The following NXPE4 variants were observed in gnomAD, a reference collection of about 807,000 sequenced individuals.
NXPE4 encodes NXPE family member 4.
In NXPE4, 42 loss-of-function variants were observed where a neutral mutation model predicts 33.3. That is an observed-to-expected ratio of 1.26 (90% CI 0.98 to 1.63). The LOEUF is 1.63. Among genes scored for constraint, NXPE4 ranks in the 40% most tolerant of loss-of-function variants. The pLI, the probability that NXPE4 is intolerant of heterozygous loss-of-function variation, is 0.00. For missense variants in NXPE4, 709 were observed against 647.6 expected, an observed-to-expected ratio of 1.09 and a Z score of -1.03; for synonymous variants, 253 against 234.9, an observed-to-expected ratio of 1.08 and a Z score of -0.71.
Position 114,582,416 on chromosome 11 carries a change from G to A in NXPE4, c.702C>T (p.Asp234=), listed in dbSNP as rs773381710. 1.6e-5 allele frequency: 26 copies of A among 1,614,100 alleles called. No individual in the cohort carries two copies. Among genetic ancestry groups the A allele is most frequent in the Non-Finnish European group, 2.5e-6 (3 of 1,180,030 alleles). Reference sequence around the variant, plus strand: ...AGTAGAAGCCTTCTTGGTCTCTGTTGTCCAGGTACTGGCACAATTCAGCAT... The same window carrying A: ...AGTAGAAGCCTTCTTGGTCTCTGTTATCCAGGTACTGGCACAATTCAGCAT... ...NTNAELCQYL[D]NRDQEGFYCV... is the part of the protein sequence containing the mutation. The change falls in exon 3 of 6, where the codon GAC becomes GAT. Residue 234 remains aspartate (D), a synonymous_variant. Coordinates refer to ENST00000375478, the MANE Select transcript of NXPE4 (RefSeq NM_001077639.2).
chr11:114,602,856 A>G, the NXPE4 span, among the ~76,000 whole-genome samples: 29 of 147,470 alleles, frequency 2.0e-4, no homozygotes, highest in African/African-American at 5.9e-4. Context: ...ATCACATATA[A>G]TTATCTCATA....
chr11:114,636,767 G>A, the NXPE4 span, among the ~76,000 whole-genome samples: 1 of 152,210 alleles, frequency 6.6e-6, no homozygotes, highest in East Asian at 1.9e-4. Context: ...ATGTAGTTGA[G>A]TAGTTTTGAG....
chr11:114,619,044 G>GGTGTGGTATCCAAGTGT, the NXPE4 span, among the ~76,000 whole-genome samples: 1 of 151,984 alleles, frequency 6.6e-6, no homozygotes. Context: ...GTGGCCTCAT[G>GGTGTGGTATCCAAGTGT]GGTAACCACT....
At chr11:114,611,835 A>G in the NXPE4 span, among the ~76,000 whole-genome samples, 5 of 149,722 alleles carry the variant, frequency 3.3e-5, no homozygotes, top group African/African-American at 4.9e-5. Context: ...TGGATAATAT[A>G]TATTTCCTCA....
chr11:114,620,674 T>C, the NXPE4 span, among the ~76,000 whole-genome samples: 1 of 149,844 alleles, frequency 6.7e-6, no homozygotes, highest in Non-Finnish European at 1.5e-5. Flanking sequence ...ATAAATATTG[T>C]CTCCCAGGTA....
the NXPE4 span, among the ~76,000 whole-genome samples, chr11:114,602,090 T>A: frequency 1.0e-5 from 1 of 98,306 alleles, no homozygotes; most frequent in East Asian, 3.1e-4. Flanking sequence ...TTTTATTATA[T>A]ATAACATATA....
the NXPE4 span, among the ~76,000 whole-genome samples, chr11:114,633,392 A>C: frequency 6.9e-6 from 1 of 144,528 alleles, no homozygotes; most frequent in East Asian, 2.0e-4. Context: ...TATATTATAT[A>C]TTATATATTA....
chr11:114,623,889 G>A, the NXPE4 span, among the ~76,000 whole-genome samples: 2 of 152,002 alleles, frequency 1.3e-5, no homozygotes, highest in African/African-American at 2.4e-5. Flanking sequence ...GGGATAGTAA[G>A]TATTGCCCCT....
At chr11:114,627,081 T>C in the NXPE4 span, among the ~76,000 whole-genome samples, 11 of 151,890 alleles carry the variant, frequency 7.2e-5, no homozygotes, top group Admixed American at 3.9e-4. Context: ...TGGAACCAAG[T>C]TGGAAAACAC....
At chr11:114,651,396 G>C in the NXPE4 span, among the ~76,000 whole-genome samples, 1 of 152,130 alleles carries the variant, frequency 6.6e-6, no homozygotes, top group Non-Finnish European at 1.5e-5. Context: ...GGTCTCGCTG[G>C]CTTCAGGAGT....
chr11:114,608,387 C>T, the NXPE4 span, among the ~76,000 whole-genome samples: 1 of 151,912 alleles, frequency 6.6e-6, no homozygotes, highest in Non-Finnish European at 1.5e-5. Flanking sequence ...ATAAGTGTTG[C>T]CTCATGGGTA....
chr11:114,608,466 T>A, the NXPE4 span, among the ~76,000 whole-genome samples: 1 of 151,978 alleles, frequency 6.6e-6, no homozygotes, highest in Admixed American at 6.6e-5. Context: ...GGATAGTAAG[T>A]ATTGCCTTGT....
At chr11:114,633,130 T>TGA in the NXPE4 span, among the ~76,000 whole-genome samples, 12 of 124,294 alleles carry the variant, frequency 9.7e-5, no homozygotes, top group Non-Finnish European at 1.9e-4. Flanking sequence ...ATAATTTATA[T>TGA]TTCATATATT....
At chr11:114,577,269 G>A (rs2135201839) in intron 5 of NXPE4, among the ~76,000 whole-genome samples, 1 of 151,426 alleles carries the variant, frequency 6.6e-6, no homozygotes, top group South Asian at 2.1e-4. Flanking sequence ...TGGAATGGGA[G>A]GCTATTATTC....
chr11:114,611,171 T>C, the NXPE4 span, among the ~76,000 whole-genome samples: 1 of 151,468 alleles, frequency 6.6e-6, no homozygotes, highest in Non-Finnish European at 1.5e-5. Flanking sequence ...AAGGACTGTC[T>C]CATGGGTAAC....
At chr11:114,574,641 A>G (rs1263439536) in intron 5 of NXPE4, among the ~76,000 whole-genome samples, 1 of 152,170 alleles carries the variant, frequency 6.6e-6, no homozygotes, top group Non-Finnish European at 1.5e-5. Flanking sequence ...CCTAGATTAA[A>G]CCAGGAAGAT....
At chr11:114,616,526 G>T in the NXPE4 span, among the ~76,000 whole-genome samples, 1,094 of 151,656 alleles carry the variant, frequency 7.2e-3, 11 homozygotes, top group Non-Finnish European at 0.012. Context: ...ATTGTCTGGT[G>T]GGTAACCATT....
the NXPE4 span, among the ~76,000 whole-genome samples, chr11:114,648,669 T>G: frequency 4.9e-4 from 74 of 152,312 alleles, no homozygotes; most frequent in Non-Finnish European, 8.2e-4. Context: ...TAAGTCATAC[T>G]TAATCTCCAA....
chr11:114,612,828 A>G, the NXPE4 span, among the ~76,000 whole-genome samples: 1 of 147,634 alleles, frequency 6.8e-6, no homozygotes, highest in East Asian at 2.1e-4. Context: ...TGTTACCCAG[A>G]GGATAGTAAG....
Sources: gnomAD v4.1 joint callset for allele counts (sites outside exome capture counted in the v4.1 genomes callset) on GRCh38, gnomAD v4.1.1 for gene constraint, MANE v1.5 for transcripts, NCBI Gene and HGNC (gene_info 2026-07-23, HGNC 2026-07-21) for gene names.